ATAD2B: variants seen among roughly 807,000 people sequenced by gnomAD.
ATAD2B encodes ATPase family AAA domain containing 2B.
A neutral mutation model predicts 167.6 loss-of-function variants in ATAD2B; 40 were observed. The ratio of observed to expected loss-of-function variants is 0.24; its 90% CI spans 0.19 to 0.31. ATAD2B has a LOEUF of 0.31. Ranked by LOEUF, ATAD2B falls within the 10% of genes least tolerant of loss-of-function variation. ATAD2B has a pLI of 1.00. For synonymous variants in ATAD2B, 579 were observed against 596.5 expected, an observed-to-expected ratio of 0.97 and a Z score of 0.43; for missense variants, 1,242 against 1,757.2, an observed-to-expected ratio of 0.71 and a Z score of 5.24.
At chr2:23,702,051 G>A in the ATAD2B span, among the ~76,000 whole-genome samples, 2 of 150,962 alleles carry the variant, frequency 1.3e-5, no homozygotes, top group East Asian at 1.9e-4. Flanking sequence ...TCGAACTCCC[G>A]ACCTCAGATG....
chr2:23,742,666 GCATGTTGTGCAC>G, the ATAD2B span, among the ~76,000 whole-genome samples: 2 of 151,670 alleles, frequency 1.3e-5, no homozygotes, highest in African/African-American at 2.4e-5. Context: ...TAAGAAACCT[GCATGTTGTGCAC>G]ATGTACCCTA....
intron 1 of ATAD2B, among the ~76,000 whole-genome samples, chr2:23,911,238 G>C (rs573973015): frequency 1.1e-3 from 169 of 149,808 alleles, no homozygotes; most frequent in Non-Finnish European, 2.2e-3. Context: ...AAAAAAAAGA[G>C]GTAACGTTCT....
intron 13 of ATAD2B, among the ~76,000 whole-genome samples, chr2:23,840,511 A>G (rs1389416275): frequency 6.6e-6 from 1 of 152,186 alleles, no homozygotes; most frequent in African/African-American, 2.4e-5. Context: ...CAGGTCATTT[A>G]GACTTTAGAG....
intron 1 of ATAD2B, among the ~76,000 whole-genome samples, chr2:23,919,617 C>T (rs1248498936): frequency 1.3e-5 from 2 of 151,970 alleles, no homozygotes; most frequent in South Asian, 4.2e-4. Context: ...CCGAGGCGGG[C>T]AAATCACCTA....
intron 13 of ATAD2B, among the ~76,000 whole-genome samples, chr2:23,839,256 C>T (rs371169714): frequency 6.6e-6 from 1 of 152,082 alleles, no homozygotes; most frequent in Admixed American, 6.5e-5. Flanking sequence ...CCAGACTACA[C>T]TGACTGCGAT....
At chr2:23,703,445 T>C in the ATAD2B span, 3 of 1,335,630 alleles carry the variant, frequency 2.2e-6, no homozygotes, top group Non-Finnish European at 3.0e-6. Context: ...ATTTGTTCAG[T>C]ATCCCATGCC....
At chr2:23,858,900 T>C (rs867728169) in intron 12 of ATAD2B, among the ~76,000 whole-genome samples, 15 of 152,308 alleles carry the variant, frequency 9.8e-5, no homozygotes, top group Middle Eastern at 3.4e-3. Flanking sequence ...TTGGCAACAA[T>C]ATTGTAACAA....
the ATAD2B span, among the ~76,000 whole-genome samples, chr2:23,679,616 A>G: frequency 6.6e-6 from 1 of 152,210 alleles, no homozygotes; most frequent in Non-Finnish European, 1.5e-5. Context: ...CACCAGATAT[A>G]TATATATGTA....
the ATAD2B span, among the ~76,000 whole-genome samples, chr2:23,740,167 T>C: frequency 3.3e-5 from 5 of 152,006 alleles, no homozygotes; most frequent in African/African-American, 7.2e-5. Context: ...TTCCAATCAA[T>C]AGAAAAAGAG....
At chr2:23,823,630 T>G (rs1687804361) in intron 15 of ATAD2B, 61 bp from the exon 16 acceptor site, 1 of 1,442,822 alleles carries the variant, frequency 6.9e-7, no homozygotes, top group Admixed American at 1.8e-5. Context: ...ACCAACTATG[T>G]TTTGTAAATA....
the ATAD2B span, chr2:23,684,656 G>A: frequency 1.2e-6 from 1 of 831,854 alleles, no homozygotes; most frequent in Admixed American, 4.1e-5. This position sits in a 1 kb window ranked among gnomAD's most constrained non-coding sequence, Gnocchi z 4.4. Flanking sequence ...AGAGCCAGTA[G>A]CCATCTCTCC....
chr2:23,803,416 A>G (rs1683826290), intron 18 of ATAD2B, among the ~76,000 whole-genome samples: 1 of 152,176 alleles, frequency 6.6e-6, no homozygotes, highest in Non-Finnish European at 1.5e-5. Context: ...TCAAAGTGAG[A>G]GCTATTGAAA....
chr2:23,684,046 T>G, the ATAD2B span, among the ~76,000 whole-genome samples: 4 of 152,270 alleles, frequency 2.6e-5, no homozygotes, highest in African/African-American at 9.6e-5. The surrounding 1 kb of genome is among the most constrained non-coding windows in gnomAD (Gnocchi z 4.4). Flanking sequence ...CCGTAGTTAT[T>G]TGACAGTTTT....
chr2:23,888,593 A>G (rs531012798), intron 2 of ATAD2B, among the ~76,000 whole-genome samples, 194 bp from the exon 3 acceptor site: 4 of 152,272 alleles, frequency 2.6e-5, no homozygotes, highest in African/African-American at 9.6e-5. Flanking sequence ...TTACTTCAAG[A>G]AAAGCTTTAA....
intron 1 of ATAD2B, among the ~76,000 whole-genome samples, chr2:23,901,633 A>G (rs1291165024): frequency 4.6e-5 from 7 of 152,172 alleles, no homozygotes; most frequent in Non-Finnish European, 1.0e-4. Context: ...ACAAATTATT[A>G]ATATAAATTA....
intron 2 of ATAD2B, among the ~76,000 whole-genome samples, chr2:23,889,744 AC>A (rs1461605427): frequency 3.3e-5 from 5 of 150,588 alleles, no homozygotes; most frequent in African/African-American, 1.2e-4. Context: ...ACATGGTGAA[AC>A]CCCGTCTCTA....
Position 23,804,403 on chromosome 2 carries a change from G to A in ATAD2B, c.2454+5913C>T, listed in dbSNP as rs572747121. On this transcript the variant is annotated intron_variant, in intron 18 of 27. Coordinates refer to ENST00000238789, the MANE Select transcript of ATAD2B (RefSeq NM_017552.4). ...TCGTCCTGGCAGACTGCCTATCCAG[G>A]AGGGGTCACTCTAGAGTAAGCTCGA... Among the ~76,000 whole-genome samples, 266 of 152,220 alleles carry A rather than the reference G, an allele frequency of 1.7e-3. 1 individual carries two copies. Among genetic ancestry groups the A allele is most frequent in the Non-Finnish European group, 2.5e-3 (169 of 68,020 alleles).
chr2:23,812,939 TAAC>T (rs1479524104), intron 17 of ATAD2B, among the ~76,000 whole-genome samples: 1 of 152,116 alleles, frequency 6.6e-6, no homozygotes, highest in Non-Finnish European at 1.5e-5. Context: ...TCAATTTTCT[TAAC>T]AATTCTGTGA....
chr2:23,730,152 C>T, the ATAD2B span, among the ~76,000 whole-genome samples: 1 of 152,034 alleles, frequency 6.6e-6, no homozygotes, highest in Non-Finnish European at 1.5e-5. Flanking sequence ...AGATAGATTG[C>T]ATTCTGGATA....
Sources: allele counts gnomAD v4.1 joint callset (sites outside exome capture counted in the v4.1 genomes callset), GRCh38; gene constraint gnomAD v4.1.1; non-coding constraint Gnocchi (gnomAD v3.1); transcripts MANE v1.5; gene names NCBI Gene and HGNC (gene_info 2026-07-23, HGNC 2026-07-21).